Variants in POT1 observed in about 807,000 individuals in gnomAD.
POT1 encodes protection of telomeres protein 1.
A neutral mutation model predicts 78.5 loss-of-function variants in POT1; 47 were observed. The observed-to-expected ratio is 0.60, with a 90% CI of 0.47 to 0.76. The LOEUF is 0.76. Among genes scored for constraint, POT1 ranks in the 30% least tolerant of loss-of-function variants. The pLI is 0.00. For synonymous variants in POT1, 259 were observed against 260.7 expected, an observed-to-expected ratio of 0.99 and a Z score of 0.06; for missense variants, 646 against 749.9, an observed-to-expected ratio of 0.86 and a Z score of 1.62.
At chr7:124,884,347 A>C (rs1796193113) in intron 6 of POT1, among the ~76,000 whole-genome samples, 1 of 152,168 alleles carries the variant, frequency 6.6e-6, no homozygotes, top group South Asian at 2.1e-4. Flanking sequence ...TACTCTGAGA[A>C]ATTTGATTAT....
At chr7:124,903,899 A>C (rs1796690854) in intron 3 of POT1, among the ~76,000 whole-genome samples, 1 of 152,356 alleles carries the variant, frequency 6.6e-6, no homozygotes, top group African/African-American at 2.4e-5. Flanking sequence ...CTTCTACGCA[A>C]ATAAACTAGA....
chr7:124,880,348 G>A (rs188277034), intron 6 of POT1, among the ~76,000 whole-genome samples: 81 of 151,988 alleles, frequency 5.3e-4, no homozygotes, highest in Middle Eastern at 3.4e-3. Flanking sequence ...ATCTACTTTC[G>A]TAAACTGTGA....
At chr7:124,844,478 T>C (rs962202516) in intron 12 of POT1, among the ~76,000 whole-genome samples, 32 of 145,758 alleles carry the variant, frequency 2.2e-4, no homozygotes, top group Middle Eastern at 3.6e-3. Flanking sequence ...GGCTCACGCC[T>C]GTAATCCCAG....
At chr7:124,876,815 T>C (rs1001495907) in intron 6 of POT1, among the ~76,000 whole-genome samples, 1 of 152,100 alleles carries the variant, frequency 6.6e-6, no homozygotes, top group African/African-American at 2.4e-5. Flanking sequence ...AGAAAAGCCA[T>C]ACAAAAATAT....
intron 3 of POT1, among the ~76,000 whole-genome samples, chr7:124,906,679 TG>T (rs1294393108): frequency 6.6e-6 from 1 of 152,022 alleles, no homozygotes; most frequent in African/African-American, 2.4e-5. Flanking sequence ...CTTATTCATG[TG>T]TATATTTCAT....
At chr7:124,928,327 A>G (rs991114771) in intron 2 of POT1, among the ~76,000 whole-genome samples, 69 of 152,140 alleles carry the variant, frequency 4.5e-4, no homozygotes, top group African/African-American at 1.5e-3. Flanking sequence ...AAACCTACTA[A>G]AGACTTCCCA....
At position 124,823,762 on chromosome 7, in the gene POT1, C is replaced by G; in HGVS notation, c.*200G>C. The stretch of plus-strand genomic sequence containing the variant: ...CAGGTCTCTTTGTACAAAAGCAAAA[C>G]AGAAAGCAAAACAAAATCCATAGCC... On this transcript the variant is annotated 3_prime_UTR_variant, in exon 19 of 19. Transcript: ENST00000357628. 2 of 525,914 alleles carry G rather than the reference C, an allele frequency of 3.8e-6. No individual in the cohort carries two copies. The highest frequency in any genetic ancestry group is 6.7e-6 in the Non-Finnish European group (2 of 300,674). The allele number at this position is 525,914 out of a possible 1,614,324, so 32.6% of individuals were successfully genotyped here. A position where few individuals can be genotyped will look rare whatever the true frequency, so the allele number is the denominator to read the frequency against.
intron 5 of POT1, among the ~76,000 whole-genome samples, chr7:124,894,876 G>T (rs1796455587): frequency 6.6e-6 from 1 of 151,588 alleles, no homozygotes. Context: ...AATTTTGAAG[G>T]ACAAGTAACA....
intron 15 of POT1, among the ~76,000 whole-genome samples, chr7:124,834,235 A>G (rs2116440395): frequency 6.6e-6 from 1 of 152,280 alleles, no homozygotes; most frequent in East Asian, 1.9e-4. Flanking sequence ...CAAAGGCAAT[A>G]AAAGCCAAAA....
intron 6 of POT1, among the ~76,000 whole-genome samples, chr7:124,878,101 TG>T (rs1156751053): frequency 6.6e-6 from 1 of 151,702 alleles, no homozygotes; most frequent in African/African-American, 2.4e-5. Context: ...GAGGCCAAGG[TG>T]GGTGGATCAC....
At chr7:124,853,923 C>T (rs1402825029) in intron 9 of POT1, among the ~76,000 whole-genome samples, 1 of 151,930 alleles carries the variant, frequency 6.6e-6, no homozygotes, top group African/African-American at 2.4e-5. Context: ...ACCTAAATCA[C>T]ATTTATATTT....
intron 7 of POT1, among the ~76,000 whole-genome samples, chr7:124,868,400 C>T (rs1795782898): frequency 6.6e-6 from 1 of 152,070 alleles, no homozygotes; most frequent in Admixed American, 6.5e-5. Context: ...GCTTAAACCC[C>T]ATTAACATTG....
intron 7 of POT1, among the ~76,000 whole-genome samples, chr7:124,864,381 T>C (rs1795670886): frequency 6.6e-6 from 1 of 152,196 alleles, no homozygotes; most frequent in South Asian, 2.1e-4. Flanking sequence ...TCAGTCAATC[T>C]TTTCCTTGCA....
chr7:124,849,376 C>T (rs1045624850), intron 11 of POT1, among the ~76,000 whole-genome samples: 3 of 152,042 alleles, frequency 2.0e-5, no homozygotes, highest in Non-Finnish European at 2.9e-5. Flanking sequence ...GAATTAAAAA[C>T]GTTTGTAAAT....
chr7:124,859,242 T>G (rs1322109294), intron 8 of POT1, 130 bp from the exon 9 acceptor site: 2 of 566,626 alleles, frequency 3.5e-6, no homozygotes, highest in Admixed American at 7.7e-5. Flanking sequence ...ATTTTAAATA[T>G]GACATTATTT....
At position 124,852,960 on chromosome 7, in the gene POT1, C is replaced by T. The variant is rs762326478; in HGVS notation, c.869+12G>A. 11 of 1,606,504 alleles carry T rather than the reference C, an allele frequency of 6.8e-6. No homozygotes were observed. Among genetic ancestry groups the T allele is most frequent in the African/African-American group, 1.3e-5 (1 of 74,464 alleles). ...ATACCTTATTTACATTTTCTAAATA[C>T]TAAAAGCTTACTTTTTCAGTTGATC... On this transcript the variant is annotated intron_variant, in intron 10 of 18. Coordinates refer to ENST00000357628, the MANE Select transcript of POT1 (RefSeq NM_015450.3).
chr7:124,919,970 T>C (rs1797109084), intron 2 of POT1, among the ~76,000 whole-genome samples: 2 of 132,726 alleles, frequency 1.5e-5, no homozygotes, highest in African/African-American at 5.7e-5. Flanking sequence ...TGCCAATAAG[T>C]AATATACTAC....
chr7:124,875,652 G>A (rs528730411), intron 6 of POT1, among the ~76,000 whole-genome samples: 1 of 152,226 alleles, frequency 6.6e-6, no homozygotes, highest in African/African-American at 2.4e-5. Flanking sequence ...TGAAATCTCA[G>A]GCTATTTATC....
Position 124,871,332 on chromosome 7 carries a change from A to C in POT1, c.125-291T>G, listed in dbSNP as rs562619961. 7.2e-5 allele frequency among the ~76,000 whole-genome samples: 11 copies of C among 152,248 alleles called. No homozygotes were observed. In the East Asian group the frequency reaches 1.7e-3, roughly 24 times the overall value. On this transcript the variant is annotated intron_variant, in intron 6 of 18. Coordinates refer to ENST00000357628, the MANE Select transcript of POT1 (RefSeq NM_015450.3). ...CTTTTCTATTGCTTCAAGGTTTACAAATCATGAAACATAAATGTAGTCAAA... is the reference window on the plus strand; with the variant it reads ...CTTTTCTATTGCTTCAAGGTTTACACATCATGAAACATAAATGTAGTCAAA...
Sources: allele counts gnomAD v4.1 joint callset (sites outside exome capture counted in the v4.1 genomes callset), GRCh38; gene constraint gnomAD v4.1.1; transcripts MANE v1.5; gene names NCBI Gene and HGNC (gene_info 2026-07-23, HGNC 2026-07-21).